The following ICA1 variants were observed in gnomAD, a reference collection of about 807,000 sequenced individuals.
ICA1 encodes islet cell autoantigen 1.
A neutral mutation model predicts 71.0 loss-of-function variants in ICA1; 40 were observed. The observed-to-expected ratio is 0.56, with a 90% CI of 0.44 to 0.73. ICA1 has a LOEUF of 0.73. Ranked by LOEUF, ICA1 falls within the 30% of genes least tolerant of loss-of-function variation. The probability of loss-of-function intolerance (pLI) is 0.00; values close to 1 mark genes in which losing one functional copy is unlikely to be tolerated. For missense variants in ICA1, 578 were observed against 576.5 expected, an observed-to-expected ratio of 1.00 and a Z score of -0.03; for synonymous variants, 207 against 209.5, an observed-to-expected ratio of 0.99 and a Z score of 0.10.
chr7:8,172,719 C>A (rs931435159), intron 6 of ICA1, among the ~76,000 whole-genome samples: 2 of 152,110 alleles, frequency 1.3e-5, no homozygotes, highest in Non-Finnish European at 2.9e-5. Flanking sequence ...GTTAAGAACA[C>A]AGTTTAATTT....
At chr7:8,129,846 C>G (rs1346560279) in intron 12 of ICA1, among the ~76,000 whole-genome samples, 1 of 125,096 alleles carries the variant, frequency 8.0e-6, no homozygotes, top group African/African-American at 3.0e-5. Flanking sequence ...AATGGTATCC[C>G]TCCCCCCTCC....
At chr7:8,155,259 C>T (rs886387597) in intron 8 of ICA1, among the ~76,000 whole-genome samples, 4 of 152,198 alleles carry the variant, frequency 2.6e-5, no homozygotes, top group Non-Finnish European at 5.9e-5. Context: ...AAGGAAGGCT[C>T]TGGGGATGTA....
intron 6 of ICA1, among the ~76,000 whole-genome samples, chr7:8,201,605 C>T (rs760923633): frequency 1.1e-4 from 17 of 152,106 alleles, no homozygotes; most frequent in Non-Finnish European, 2.1e-4. Context: ...GGGTCAGCTG[C>T]GTTAAAATAA....
rs554764697 is a variant in ICA1 at position 8,232,665 on chromosome 7, G to C, written c.108C>G (p.Ala36=). The change falls in exon 3 of 14, where the codon GCC becomes GCG. Residue 36 remains alanine, a synonymous_variant. Transcript: ENST00000402384. The stretch of plus-strand genomic sequence containing the variant: ...CCTTCTTCCCTGTGGCTTTAATAAA[G>C]GCCTGCTTCGTCTCCCAATATTTCT... The part of the protein sequence containing the change: ...MQQKYWETKQ[A]FIKATGKKED... 39 of 1,613,412 alleles carry C rather than the reference G, an allele frequency of 2.4e-5. No individual in the cohort carries two copies. In the African/African-American group the frequency reaches 5.1e-4, roughly 21 times the overall value.
At chr7:8,187,055 T>C (rs1398550244) in intron 6 of ICA1, among the ~76,000 whole-genome samples, 1 of 152,224 alleles carries the variant, frequency 6.6e-6, no homozygotes, top group Non-Finnish European at 1.5e-5. Context: ...TAGAATCTTA[T>C]GAGCTTGACG....
intron 6 of ICA1, among the ~76,000 whole-genome samples, chr7:8,191,430 T>C (rs1785600271): frequency 6.6e-6 from 1 of 152,204 alleles, no homozygotes; most frequent in Non-Finnish European, 1.5e-5. Flanking sequence ...CTGTTTTTCA[T>C]TGTCAGTACA....
intron 6 of ICA1, among the ~76,000 whole-genome samples, chr7:8,167,559 G>A (rs7808018): frequency 0.58 from 87,611 of 151,922 alleles, 27,487 homozygotes; most frequent in African/African-American, 0.85. Context: ...AAAATAATCT[G>A]TACACCAAAC....
intron 5 of ICA1, among the ~76,000 whole-genome samples, chr7:8,219,275 G>A (rs561701452): frequency 5.9e-5 from 9 of 152,312 alleles, no homozygotes; most frequent in Admixed American, 2.0e-4. Flanking sequence ...CCAAAAATGA[G>A]CAATGTCAGA....
chr7:8,158,711 AG>A (rs1802625872), intron 6 of ICA1, 59 bp from the exon 7 acceptor site: 3 of 1,547,606 alleles, frequency 1.9e-6, no homozygotes, highest in African/African-American at 2.8e-5. Context: ...TAAAATTTGC[AG>A]GTGAAATGAG....
At position 8,237,630 on chromosome 7, in the gene ICA1, G is replaced by C. The variant is rs149561547; in HGVS notation, c.-79-1625C>G. ...ACAGCCCCCAGCAACCACTATTCTAGTTTCTGATTCTATGAATTTGACTAC... is the reference window on the plus strand; with the variant it reads ...ACAGCCCCCAGCAACCACTATTCTACTTTCTGATTCTATGAATTTGACTAC... On this transcript the variant is annotated intron_variant, in intron 1 of 13. Coordinates refer to ENST00000402384, the MANE Select transcript of ICA1 (RefSeq NM_001136020.3). Among the ~76,000 whole-genome samples the C allele has an allele frequency of 2.0e-3, 298 of 152,082 alleles. 3 individuals are homozygous for C. Among genetic ancestry groups the C allele is most frequent in the African/African-American group, 6.8e-3 (284 of 41,486 alleles).
chr7:8,119,483 A>G (rs1313086267), intron 13 of ICA1, among the ~76,000 whole-genome samples: 1 of 152,288 alleles, frequency 6.6e-6, no homozygotes, highest in African/African-American at 2.4e-5. Context: ...CTCACTTCCC[A>G]TCATGTAATG....
At chr7:8,149,435 C>T (rs1228594444) in intron 8 of ICA1, among the ~76,000 whole-genome samples, 1 of 152,224 alleles carries the variant, frequency 6.6e-6, no homozygotes, top group Non-Finnish European at 1.5e-5. Context: ...AGGAAGCACA[C>T]ACACAGTAGT....
At chr7:8,216,841 C>A (rs577512705) in intron 6 of ICA1, among the ~76,000 whole-genome samples, 1 of 152,278 alleles carries the variant, frequency 6.6e-6, no homozygotes, top group African/African-American at 2.4e-5. Flanking sequence ...TCATTTTCCT[C>A]GCTTATAAAA....
chr7:8,163,107 T>C (rs1476151840), intron 6 of ICA1, among the ~76,000 whole-genome samples: 1 of 152,178 alleles, frequency 6.6e-6, no homozygotes, highest in Admixed American at 6.5e-5. Flanking sequence ...GGGTTCTGTC[T>C]TCCTCAGGCC....
intron 8 of ICA1, among the ~76,000 whole-genome samples, chr7:8,148,019 T>G (rs1196158445): frequency 6.6e-6 from 1 of 151,898 alleles, no homozygotes; most frequent in Non-Finnish European, 1.5e-5. Flanking sequence ...ACCGTGGGGG[T>G]GTGTGTCGGT....
intron 8 of ICA1, among the ~76,000 whole-genome samples, chr7:8,155,001 T>G (rs1220671188): frequency 6.6e-6 from 1 of 152,184 alleles, no homozygotes; most frequent in Non-Finnish European, 1.5e-5. Flanking sequence ...AAACCCGTAA[T>G]TACTTTTGAA....
intron 6 of ICA1, among the ~76,000 whole-genome samples, chr7:8,214,001 A>T (rs1794642260): frequency 6.6e-6 from 1 of 152,192 alleles, no homozygotes; most frequent in African/African-American, 2.4e-5. Context: ...CACTAGACAA[A>T]TGCTGTAGGA....
chr7:8,243,824 C>G (rs143850625), intron 1 of ICA1, among the ~76,000 whole-genome samples: 1 of 152,068 alleles, frequency 6.6e-6, no homozygotes, highest in Non-Finnish European at 1.5e-5. Context: ...ACAATTGCTA[C>G]GAAGAGAATA....
chr7:8,141,889 T>C, intron 9 of ICA1, 72 bp from the exon 10 acceptor site: 1 of 1,342,260 alleles, frequency 7.5e-7, no homozygotes, highest in Non-Finnish European at 1.0e-6. Context: ...AGACTTTCAG[T>C]ACAATATTAC....
Sources: gnomAD v4.1 joint callset for allele counts (sites outside exome capture counted in the v4.1 genomes callset) on GRCh38, gnomAD v4.1.1 for gene constraint, MANE v1.5 for transcripts, NCBI Gene and HGNC (gene_info 2026-07-23, HGNC 2026-07-21) for gene names.